Variants in ADCY8 observed in about 807,000 individuals in gnomAD.
ADCY8 encodes adenylate cyclase 8.
A neutral mutation model predicts 119.7 loss-of-function variants in ADCY8; 51 were observed. That is an observed-to-expected ratio of 0.43 (90% CI 0.34 to 0.54). ADCY8 has a LOEUF of 0.54. Among genes scored for constraint, ADCY8 ranks in the 20% least tolerant of loss-of-function variants. The pLI, the probability that ADCY8 is intolerant of heterozygous loss-of-function variation, is 0.03. For missense variants in ADCY8, 1,383 were observed against 1,598.8 expected (o/e 0.87, Z 2.30); for synonymous variants, 665 against 651.0 (o/e 1.02, Z -0.33).
chr8:130,785,585 A>G (rs1815225679), intron 15 of ADCY8, 110 bp from the exon 16 acceptor site: 3 of 630,998 alleles, frequency 4.8e-6, no homozygotes, highest in South Asian at 4.9e-5. Flanking sequence ...ATGGTTCAAT[A>G]TCCTCTAGTT....
At chr8:130,937,561 C>T (rs1272113008) in intron 4 of ADCY8, among the ~76,000 whole-genome samples, 1 of 152,162 alleles carries the variant, frequency 6.6e-6, no homozygotes, top group East Asian at 1.9e-4. Context: ...CAATGTCTCT[C>T]TTCTCAAAAA....
chr8:130,932,246 A>G (rs1820651356), intron 5 of ADCY8, among the ~76,000 whole-genome samples: 1 of 152,102 alleles, frequency 6.6e-6, no homozygotes, highest in Non-Finnish European at 1.5e-5. Flanking sequence ...TTGCTAAGGG[A>G]TGTCCAGAGC....
At chr8:130,878,100 C>T (rs1234718654) in intron 8 of ADCY8, among the ~76,000 whole-genome samples, 1 of 152,170 alleles carries the variant, frequency 6.6e-6, no homozygotes, top group Non-Finnish European at 1.5e-5. Flanking sequence ...TAGGGGCAGA[C>T]AATCATACTC....
intron 8 of ADCY8, among the ~76,000 whole-genome samples, chr8:130,869,165 A>G (rs912441813): frequency 4.6e-5 from 7 of 152,210 alleles, no homozygotes; most frequent in Non-Finnish European, 2.9e-5. Context: ...TTGCAGGGCA[A>G]TGCTTTTTCT....
At chr8:130,999,364 G>A (rs1822873986) in intron 1 of ADCY8, among the ~76,000 whole-genome samples, 2 of 152,092 alleles carry the variant, frequency 1.3e-5, no homozygotes, top group Admixed American at 1.3e-4. Flanking sequence ...GAGTGGAAAG[G>A]TTCTCCATGA....
intron 15 of ADCY8, among the ~76,000 whole-genome samples, chr8:130,794,690 C>G (rs1244649925): frequency 2.0e-5 from 3 of 152,180 alleles, no homozygotes; most frequent in African/African-American, 2.4e-5. Flanking sequence ...AAACAAACAA[C>G]AGAAACTCAT....
intron 8 of ADCY8, among the ~76,000 whole-genome samples, chr8:130,870,375 A>G (rs530919961): frequency 1.3e-5 from 2 of 152,090 alleles, no homozygotes; most frequent in Non-Finnish European, 2.9e-5. Flanking sequence ...CATCATCACT[A>G]TCATCATCAC....
Position 131,040,679 on chromosome 8 carries a change from T to G in ADCY8, c.-346A>C. 5.0e-6 allele frequency: 1 copy of G among 198,194 alleles called. No individual in the cohort carries two copies. Among genetic ancestry groups the G allele is most frequent in the Non-Finnish European group, 1.0e-5 (1 of 99,052 alleles). 12.3% of individuals were successfully genotyped at this position (198,194 alleles called of 1,614,324 possible). A position where few individuals can be genotyped will look rare whatever the true frequency, so the allele number is the denominator to read the frequency against. ...TGGGCTCAGGCTCCTTGGTTGATTC[T>G]AGGCTCAGCGTTTTGGCGCAGCCTT... On this transcript the variant is annotated 5_prime_UTR_variant, in exon 1 of 18. Transcript: ENST00000286355.
chr8:130,993,501 A>G (rs1822667826), intron 1 of ADCY8, among the ~76,000 whole-genome samples: 1 of 152,174 alleles, frequency 6.6e-6, no homozygotes, highest in Non-Finnish European at 1.5e-5. Context: ...CCCTACCAAA[A>G]TCTCATCTTG....
At chr8:130,792,871 C>A (rs1815466249) in intron 15 of ADCY8, among the ~76,000 whole-genome samples, 3 of 152,168 alleles carry the variant, frequency 2.0e-5, no homozygotes, top group Non-Finnish European at 4.4e-5. Context: ...AAAGCCTTTG[C>A]TCTGGTCCAT....
At chr8:131,015,838 A>T (rs1823458802) in intron 1 of ADCY8, among the ~76,000 whole-genome samples, 1 of 152,216 alleles carries the variant, frequency 6.6e-6, no homozygotes, top group Non-Finnish European at 1.5e-5. Flanking sequence ...ACCCAAACTC[A>T]GACCCAAATC....
chr8:130,902,309 A>G (rs1255164401), intron 7 of ADCY8, among the ~76,000 whole-genome samples: 1 of 152,226 alleles, frequency 6.6e-6, no homozygotes, highest in Non-Finnish European at 1.5e-5. Flanking sequence ...TCCAGGAAGT[A>G]TATAACACCA....
At chr8:131,014,602 G>A (rs1823411729) in intron 1 of ADCY8, among the ~76,000 whole-genome samples, 2 of 152,056 alleles carry the variant, frequency 1.3e-5, no homozygotes, top group Admixed American at 1.3e-4. Flanking sequence ...ACAGGGAAAA[G>A]CCTCACCATA....
At chr8:130,863,393 CT>C (rs75445750) in intron 9 of ADCY8, among the ~76,000 whole-genome samples, 27,378 of 142,120 alleles carry the variant, frequency 0.19, 2,626 homozygotes, top group Non-Finnish European at 0.23. Context: ...CTATTGGGGC[CT>C]TTTTTTTTTT....
At chr8:130,876,887 G>A (rs557062482) in intron 8 of ADCY8, among the ~76,000 whole-genome samples, 1 of 152,252 alleles carries the variant, frequency 6.6e-6, no homozygotes, top group Admixed American at 6.5e-5. Context: ...TTAGGAGAAA[G>A]ACAGGATTTT....
At chr8:130,972,046 A>G (rs1427349965) in intron 2 of ADCY8, among the ~76,000 whole-genome samples, 2 of 152,208 alleles carry the variant, frequency 1.3e-5, no homozygotes, top group East Asian at 3.8e-4. Context: ...CATAAACAGA[A>G]TCTACCTAGA....
intron 5 of ADCY8, among the ~76,000 whole-genome samples, chr8:130,916,198 G>T (rs1395805134): frequency 6.6e-6 from 1 of 152,186 alleles, no homozygotes; most frequent in East Asian, 1.9e-4. Context: ...TCCCTGCATG[G>T]CTTCTTTAAA....
At chr8:131,009,837 A>G (rs1479192892) in intron 1 of ADCY8, among the ~76,000 whole-genome samples, 2 of 152,208 alleles carry the variant, frequency 1.3e-5, no homozygotes, top group African/African-American at 4.8e-5. Flanking sequence ...AGCAATGGGT[A>G]GAAAGTCAAG....
intron 8 of ADCY8, among the ~76,000 whole-genome samples, chr8:130,874,395 C>T (rs1327923452): frequency 6.6e-6 from 1 of 152,002 alleles, no homozygotes; most frequent in Non-Finnish European, 1.5e-5. Flanking sequence ...TGCAATGAGA[C>T]TAATTTTCAG....
Sources: gnomAD v4.1 joint callset for allele counts (sites outside exome capture counted in the v4.1 genomes callset) on GRCh38, gnomAD v4.1.1 for gene constraint, MANE v1.5 for transcripts, NCBI Gene and HGNC (gene_info 2026-07-23, HGNC 2026-07-21) for gene names.